GHR: variants seen among roughly 807,000 people sequenced by gnomAD.
GHR encodes GH receptor.
In GHR, 35 loss-of-function variants were observed where a neutral mutation model predicts 67.1. The ratio of observed to expected loss-of-function variants is 0.52; its 90% CI spans 0.40 to 0.69. GHR has a LOEUF of 0.69. Among genes scored for constraint, GHR ranks in the 30% least tolerant of loss-of-function variants. The probability of loss-of-function intolerance (pLI) is 0.00; values close to 1 mark genes in which losing one functional copy is unlikely to be tolerated. For missense variants in GHR, 792 were observed against 764.6 expected, an observed-to-expected ratio of 1.04 and a Z score of -0.42; for synonymous variants, 272 against 269.1, an observed-to-expected ratio of 1.01 and a Z score of -0.10.
At position 42,565,895 on chromosome 5, in the gene GHR, G is replaced by A. The variant is rs756572945; in HGVS notation, c.21G>A (p.Leu7=). 3.1e-6 allele frequency: 5 copies of A among 1,614,086 alleles called. No homozygotes were observed. The highest frequency in any genetic ancestry group is 4.2e-6 in the Non-Finnish European group (5 of 1,179,942). Residue 7 remains leucine (L), a synonymous_variant, in exon 2 of 10, where the codon CTG becomes CTA. Transcript: ENST00000230882. The part of the protein sequence containing the change: MDLWQL[L]LTLALAGSSD... Reference sequence around the variant, plus strand: ...CAGGTATGGATCTCTGGCAGCTGCTGTTGACCTTGGCACTGGCAGGATCAA... The same window carrying A: ...CAGGTATGGATCTCTGGCAGCTGCTATTGACCTTGGCACTGGCAGGATCAA...
At chr5:42,537,992 G>C (rs1003733986) in intron 1 of GHR, among the ~76,000 whole-genome samples, 2 of 152,130 alleles carry the variant, frequency 1.3e-5, no homozygotes, top group African/African-American at 2.4e-5. Context: ...CTGGCTTTTG[G>C]TGTCCATTTG....
chr5:42,660,989 G>C (rs1378433523), intron 3 of GHR, among the ~76,000 whole-genome samples: 3 of 152,196 alleles, frequency 2.0e-5, no homozygotes, highest in Admixed American at 1.3e-4. Flanking sequence ...GATGCGATCA[G>C]CTGGTAGAAA....
At chr5:42,500,991 T>A (rs1746518952) in intron 1 of GHR, among the ~76,000 whole-genome samples, 1 of 152,186 alleles carries the variant, frequency 6.6e-6, no homozygotes, top group Non-Finnish European at 1.5e-5. Flanking sequence ...ATTGCTTGAG[T>A]TCATCTTCTA....
At chr5:42,484,972 T>C (rs903155425) in intron 1 of GHR, among the ~76,000 whole-genome samples, 9 of 152,224 alleles carry the variant, frequency 5.9e-5, no homozygotes, top group African/African-American at 2.2e-4. Flanking sequence ...CTTTGATTCC[T>C]TTACTTTACG....
At chr5:42,631,346 C>T (rs534951859) in intron 3 of GHR, among the ~76,000 whole-genome samples, 2 of 152,294 alleles carry the variant, frequency 1.3e-5, no homozygotes, top group East Asian at 1.9e-4. Flanking sequence ...TCAAAAGTCA[C>T]CTGCTCTCTG....
chr5:42,508,443 A>G (rs1746868654), intron 1 of GHR, among the ~76,000 whole-genome samples: 1 of 152,210 alleles, frequency 6.6e-6, no homozygotes. Context: ...CAGCCTCTGC[A>G]ATCTTCTGGA....
intron 1 of GHR, among the ~76,000 whole-genome samples, chr5:42,495,077 G>GCC (rs5867589): frequency 1.3e-5 from 2 of 151,550 alleles, no homozygotes; most frequent in East Asian, 4.0e-4. Context: ...CAATTCCCAC[G>GCC]CCCCCCCCCC....
intron 1 of GHR, among the ~76,000 whole-genome samples, chr5:42,528,780 A>C (rs2112331125): frequency 6.6e-6 from 1 of 152,304 alleles, no homozygotes; most frequent in South Asian, 2.1e-4. Context: ...CCTTATTTTA[A>C]GAAATTATCA....
At chr5:42,549,186 A>G (rs1219650146) in intron 1 of GHR, among the ~76,000 whole-genome samples, 1 of 152,120 alleles carries the variant, frequency 6.6e-6, no homozygotes, top group Admixed American at 6.5e-5. Context: ...TGCATGCCTG[A>G]TTAAAACCCA....
intron 1 of GHR, among the ~76,000 whole-genome samples, chr5:42,437,705 G>A (rs887715308): frequency 5.3e-5 from 8 of 151,388 alleles, no homozygotes; most frequent in Non-Finnish European, 1.0e-4. Flanking sequence ...AGGCCACCAC[G>A]CCCAGCTAAT....
At chr5:42,511,669 T>C (rs1161264793) in intron 1 of GHR, among the ~76,000 whole-genome samples, 1 of 152,182 alleles carries the variant, frequency 6.6e-6, no homozygotes, top group East Asian at 1.9e-4. Flanking sequence ...CTTTACTTAC[T>C]GATTTTGTTT....
At chr5:42,444,062 A>G (rs1743707483) in intron 1 of GHR, among the ~76,000 whole-genome samples, 1 of 152,154 alleles carries the variant, frequency 6.6e-6, no homozygotes, top group Non-Finnish European at 1.5e-5. Flanking sequence ...TAATGGTTAT[A>G]TAATTAAACA....
At chr5:42,560,554 T>C (rs951083701) in intron 1 of GHR, among the ~76,000 whole-genome samples, 2 of 152,152 alleles carry the variant, frequency 1.3e-5, no homozygotes, top group Non-Finnish European at 2.9e-5. Context: ...AATAGTCTAG[T>C]CTTCACATTA....
chr5:42,590,452 G>C (rs1474148867), intron 2 of GHR, among the ~76,000 whole-genome samples: 2 of 151,980 alleles, frequency 1.3e-5, no homozygotes, highest in African/African-American at 4.8e-5. Flanking sequence ...TTGCTTATTG[G>C]CATTTATTGT....
Position 42,430,636 on chromosome 5 carries a change from GTA to G in GHR, c.-12+6683_-12+6684del, listed in dbSNP as rs1491054898. ...TGTGTGTGTGTGTGTGTGTGTGTGT[GTA>G]TGTGTGTGTTTCTTCACTTTATCCC... On this transcript the variant is annotated intron_variant, in intron 1 of 9. Transcript: ENST00000230882. 7.0e-3 allele frequency among the ~76,000 whole-genome samples: 1,056 copies of G among 151,396 alleles called. 32 individuals are homozygous for G. The highest frequency in any genetic ancestry group is 0.069 in the East Asian group (351 of 5,122).
chr5:42,631,054 A>G (rs944491450), intron 3 of GHR, among the ~76,000 whole-genome samples: 11 of 151,736 alleles, frequency 7.2e-5, no homozygotes, highest in African/African-American at 2.7e-4. Context: ...TCTCCTGTCC[A>G]TATCACCAGT....
chr5:42,529,999 CTTTTTT>C (rs376534691), intron 1 of GHR, among the ~76,000 whole-genome samples: 14 of 57,586 alleles, frequency 2.4e-4, no homozygotes, highest in Admixed American at 2.1e-3. Flanking sequence ...TGAATCACTT[CTTTTTT>C]TTTTTTTTTT....
At chr5:42,497,113 C>T (rs1458716146) in intron 1 of GHR, among the ~76,000 whole-genome samples, 1 of 152,170 alleles carries the variant, frequency 6.6e-6, no homozygotes, top group Non-Finnish European at 1.5e-5. Flanking sequence ...GAGTCAAAGA[C>T]TGAAATTCTT....
Position 42,565,902 on chromosome 5 carries a change from T to G in GHR, c.28T>G (p.Leu10Val). 1 of 1,614,090 alleles carries G rather than the reference T, an allele frequency of 6.2e-7. No homozygotes were observed. Among genetic ancestry groups the G allele is most frequent in the Non-Finnish European group, 8.5e-7 (1 of 1,179,936 alleles). Reference sequence around the variant, plus strand: ...GGATCTCTGGCAGCTGCTGTTGACCTTGGCACTGGCAGGATCAAGTGATGC... The same window carrying G: ...GGATCTCTGGCAGCTGCTGTTGACCGTGGCACTGGCAGGATCAAGTGATGC... Reference protein sequence around the residue: MDLWQLLLTLALAGSSDAFS... With the variant: MDLWQLLLTVALAGSSDAFS... Residue 10 changes from leucine to valine, a missense_variant, in exon 2 of 10, where the codon TTG becomes GTG. Leu to Val is a conservative substitution (Grantham distance 32). Coordinates refer to ENST00000230882, the MANE Select transcript of GHR (RefSeq NM_000163.5).
Sources: gnomAD v4.1 joint callset for allele counts (sites outside exome capture counted in the v4.1 genomes callset) on GRCh38, gnomAD v4.1.1 for gene constraint, MANE v1.5 for transcripts, NCBI Gene and HGNC (gene_info 2026-07-23, HGNC 2026-07-21) for gene names.